The following RIMS2 variants were observed in gnomAD, a reference collection of about 807,000 sequenced individuals.
The protein encoded by RIMS2 is regulating synaptic membrane exocytosis 2.
In RIMS2, 59 loss-of-function variants were observed where a neutral mutation model predicts 174.4. The ratio of observed to expected loss-of-function variants is 0.34; its 90% CI spans 0.27 to 0.42. The LOEUF is 0.42. Ranked by LOEUF, RIMS2 falls within the 10% of genes least tolerant of loss-of-function variation. The pLI is 1.00. For synonymous variants in RIMS2, 606 were observed against 572.5 expected (o/e 1.06, Z -0.84); for missense variants, 1,620 against 1,666.3 (o/e 0.97, Z 0.48).
At chr8:104,083,750 T>C (rs1231685153) in intron 19 of RIMS2, among the ~76,000 whole-genome samples, 3 of 152,278 alleles carry the variant, frequency 2.0e-5, no homozygotes, top group East Asian at 1.9e-4. Flanking sequence ...TGTATGTATG[T>C]ATCAGAATAT....
chr8:103,781,198 T>C (rs2098384803), intron 3 of RIMS2, among the ~76,000 whole-genome samples: 1 of 152,034 alleles, frequency 6.6e-6, no homozygotes, highest in African/African-American at 2.4e-5. Flanking sequence ...GTAGAAACTG[T>C]GAGTTGGGGG....
chr8:103,588,590 C>A (rs529724069), intron 1 of RIMS2, among the ~76,000 whole-genome samples: 157 of 151,776 alleles, frequency 1.0e-3, no homozygotes, highest in Admixed American at 1.7e-3. Flanking sequence ...AATAGAGAAC[C>A]CAGAAAGAAA....
chr8:103,584,829 G>T (rs2093817211), intron 1 of RIMS2, among the ~76,000 whole-genome samples: 1 of 152,090 alleles, frequency 6.6e-6, no homozygotes, highest in Non-Finnish European at 1.5e-5. Flanking sequence ...AGGAAGAGAA[G>T]ATCACAGACA....
chr8:103,997,519 A>T (rs1054585367), intron 17 of RIMS2, among the ~76,000 whole-genome samples: 6 of 151,808 alleles, frequency 4.0e-5, no homozygotes, highest in African/African-American at 1.4e-4. Flanking sequence ...GTGCTGTGGA[A>T]AGAAGAGATG....
At chr8:103,654,282 A>G (rs1187514927) in intron 1 of RIMS2, among the ~76,000 whole-genome samples, 2 of 151,982 alleles carry the variant, frequency 1.3e-5, no homozygotes, top group East Asian at 1.9e-4. Flanking sequence ...TTAAAAAATG[A>G]TATTTAGATT....
intron 2 of RIMS2, among the ~76,000 whole-genome samples, chr8:103,741,098 C>T (rs1311998554): frequency 1.3e-5 from 2 of 151,720 alleles, no homozygotes; most frequent in African/African-American, 4.8e-5. Flanking sequence ...TATTAATACA[C>T]AATTGTTTAA....
intron 1 of RIMS2, among the ~76,000 whole-genome samples, chr8:103,608,563 G>A (rs2095238579): frequency 6.9e-6 from 1 of 145,378 alleles, no homozygotes. Context: ...AGCAAGCCTG[G>A]GCAATGGTGG....
At chr8:103,628,191 G>T (rs183600177) in intron 1 of RIMS2, among the ~76,000 whole-genome samples, 29 of 152,034 alleles carry the variant, frequency 1.9e-4, no homozygotes, top group Admixed American at 1.9e-3. Flanking sequence ...GACAAGTTGG[G>T]TATGCACACT....
intron 19 of RIMS2, among the ~76,000 whole-genome samples, chr8:104,130,757 G>A (rs7842508): frequency 0.56 from 85,697 of 151,954 alleles, 27,188 homozygotes; most frequent in East Asian, 0.92. Flanking sequence ...CAGCTAGAGG[G>A]TGGAGATTAG....
At chr8:104,052,003 C>G (rs2096795102) in intron 19 of RIMS2, among the ~76,000 whole-genome samples, 1 of 151,942 alleles carries the variant, frequency 6.6e-6, no homozygotes. Flanking sequence ...ATTTTCTATG[C>G]CTTCAGCAAG....
At chr8:104,030,397 A>AT (rs1486105960) in intron 19 of RIMS2, among the ~76,000 whole-genome samples, 2 of 152,210 alleles carry the variant, frequency 1.3e-5, no homozygotes, top group Admixed American at 6.5e-5. Flanking sequence ...AGAAACATAT[A>AT]AATAAAAAGA....
intron 3 of RIMS2, among the ~76,000 whole-genome samples, chr8:103,781,312 C>G (rs781023838): frequency 2.6e-5 from 4 of 152,166 alleles, no homozygotes; most frequent in African/African-American, 9.7e-5. Context: ...TGAGAACTGT[C>G]TCTTCCTCAC....
chr8:103,849,920 T>C (rs1224181434), intron 3 of RIMS2, among the ~76,000 whole-genome samples: 1 of 152,058 alleles, frequency 6.6e-6, no homozygotes, highest in Admixed American at 6.6e-5. Context: ...GAGGTGGATA[T>C]ATTAATCATT....
At chr8:103,511,331 A>C (rs796124310) in intron 1 of RIMS2, among the ~76,000 whole-genome samples, 1 of 152,184 alleles carries the variant, frequency 6.6e-6, no homozygotes, top group Non-Finnish European at 1.5e-5. Flanking sequence ...GAGTCATTGA[A>C]ATATTTTCAT....
At chr8:103,622,489 A>G (rs2095659456) in intron 1 of RIMS2, among the ~76,000 whole-genome samples, 1 of 152,106 alleles carries the variant, frequency 6.6e-6, no homozygotes, top group Non-Finnish European at 1.5e-5. Context: ...CTATTTTTCA[A>G]TTTTTTATAT....
intron 1 of RIMS2, among the ~76,000 whole-genome samples, chr8:103,623,633 C>T (rs1416758850): frequency 4.6e-5 from 7 of 150,576 alleles, no homozygotes; most frequent in Non-Finnish European, 8.9e-5. Context: ...TACAGGCGCC[C>T]GCCACCACGC....
intron 19 of RIMS2, among the ~76,000 whole-genome samples, chr8:104,195,128 G>A (rs958208456): frequency 2.6e-5 from 4 of 152,186 alleles, no homozygotes; most frequent in East Asian, 1.9e-4. Flanking sequence ...AAGGTGGAAC[G>A]ACAGAATGGT....
chr8:103,993,323 C>A (rs2094850611), intron 17 of RIMS2, among the ~76,000 whole-genome samples: 1 of 151,956 alleles, frequency 6.6e-6, no homozygotes, highest in Non-Finnish European at 1.5e-5. Context: ...TTAATGTTGG[C>A]AAAAGATAAA....
intron 3 of RIMS2, among the ~76,000 whole-genome samples, chr8:103,792,960 A>G (rs1395562781): frequency 1.3e-5 from 2 of 152,194 alleles, no homozygotes; most frequent in Admixed American, 1.3e-4. Context: ...AACCAAAAAA[A>G]GTCCAGGACC....
Sources: allele counts gnomAD v4.1 joint callset (sites outside exome capture counted in the v4.1 genomes callset), GRCh38; gene constraint gnomAD v4.1.1; transcripts MANE v1.5; gene names NCBI Gene and HGNC (gene_info 2026-07-23, HGNC 2026-07-21).